PIWIL4: variants seen among roughly 807,000 people sequenced by gnomAD.
PIWIL4 encodes piwi-like protein 4.
PIWIL4 carries 50 observed loss-of-function variants against 100.9 expected under a neutral mutation model. That is an observed-to-expected ratio of 0.50 (90% CI 0.39 to 0.63). The LOEUF is 0.63. Ranked by LOEUF, PIWIL4 falls within the 20% of genes least tolerant of loss-of-function variation. The probability of loss-of-function intolerance (pLI) is 0.00; values close to 1 mark genes in which losing one functional copy is unlikely to be tolerated. For synonymous variants in PIWIL4, 342 were observed against 367.5 expected (o/e 0.93, Z 0.79); for missense variants, 887 against 1,043.3 (o/e 0.85, Z 2.06).
chr11:94,577,636 A>G, intron 4 of PIWIL4, 144 bp downstream of exon 4: 1 of 727,814 alleles, frequency 1.4e-6, no homozygotes, highest in East Asian at 2.8e-5. Context: ...TTAAAAAACT[A>G]CCTTTATTTC....
chr11:94,619,714 T>G (rs1247438085), intron 17 of PIWIL4, 46 bp from the exon 18 acceptor site: 20 of 1,570,132 alleles, frequency 1.3e-5, no homozygotes, highest in Non-Finnish European at 1.6e-5. Flanking sequence ...GAAAGCTATA[T>G]AGATTGGATT....
Position 94,583,499 on chromosome 11 carries a change from A to T in PIWIL4, c.565A>T (p.Ile189Phe). Reference protein sequence around the residue: ...TQRGETIKMTITLKRELPSSS... With the variant: ...TQRGETIKMTFTLKRELPSSS... ...AAGAGGTGAGACTATAAAGATGACT[A>T]TCACCCTGAAGAGGGAGCTGCCATC... The change falls in exon 5 of 20, where the codon ATC becomes TTC. Residue 189 changes from isoleucine to phenylalanine, a missense_variant. Physicochemically the swap from Ile to Phe is conservative, Grantham distance 21. This residue lies in a region of PIWIL4 where 741 missense variants were observed against 930.0 expected (regional missense o/e 0.80). Transcript: ENST00000299001. 1.2e-6 allele frequency: 2 copies of T among 1,613,850 alleles called. No homozygotes were observed. The highest frequency in any genetic ancestry group is 1.7e-6 in the Non-Finnish European group (2 of 1,179,742).
In PIWIL4 at chr11:94,577,415, A is replaced by G. The variant is rs1948252987; in HGVS notation, c.436A>G (p.Ser146Gly). 3 of 1,614,120 alleles carry G rather than the reference A, an allele frequency of 1.9e-6. No homozygotes were observed. The highest frequency in any genetic ancestry group is 1.7e-4 in the Middle Eastern group (1 of 6,060). The change falls in exon 4 of 20, where the codon AGT becomes GGT. Residue 146 changes from serine to glycine, a missense_variant. Physicochemically the swap from Ser to Gly is moderately conservative, Grantham distance 56. This residue lies in a region of PIWIL4 where 741 missense variants were observed against 930.0 expected (regional missense o/e 0.80). Coordinates refer to ENST00000299001, the MANE Select transcript of PIWIL4 (RefSeq NM_152431.3). ...SRRLRIALLYSHSELSNKAKA... is the reference protein window; with the variant it reads ...SRRLRIALLYGHSELSNKAKA... ...AAGGCTGAGAATTGCTTTACTTTAT[A>G]GTCATAGTGAACTTTCCAACAAAGC...
chr11:94,610,691 G>C (rs1282685403), intron 15 of PIWIL4, among the ~76,000 whole-genome samples: 1 of 151,904 alleles, frequency 6.6e-6, no homozygotes, highest in African/African-American at 2.4e-5. Flanking sequence ...TGAATTGTAT[G>C]GGTTCTTCAT....
chr11:94,574,446 C>A (rs1329485866), intron 2 of PIWIL4, among the ~76,000 whole-genome samples: 1 of 152,190 alleles, frequency 6.6e-6, no homozygotes, highest in African/African-American at 2.4e-5. Context: ...GGAGGGCTTT[C>A]TCCTTAGCCA....
At chr11:94,608,955 T>G (rs1591801804) in intron 15 of PIWIL4, among the ~76,000 whole-genome samples, 1 of 152,346 alleles carries the variant, frequency 6.6e-6, no homozygotes, top group East Asian at 1.9e-4. Flanking sequence ...TCTTGTGCAT[T>G]TATTTATTTT....
At chr11:94,615,302 T>A (rs1356062062) in intron 15 of PIWIL4, among the ~76,000 whole-genome samples, 1 of 152,194 alleles carries the variant, frequency 6.6e-6, no homozygotes, top group East Asian at 1.9e-4. Context: ...TTTCACCCTG[T>A]AAGAGAAATC....
intron 13 of PIWIL4, among the ~76,000 whole-genome samples, chr11:94,606,474 T>C (rs1000443791): frequency 1.3e-5 from 2 of 152,082 alleles, no homozygotes; most frequent in African/African-American, 4.8e-5. Flanking sequence ...CTTTTGAAAG[T>C]GGAGAATAAA....
At chr11:94,620,837 G>T (rs1235029473) in intron 19 of PIWIL4, 39 bp from the exon 20 acceptor site, 2 of 1,454,940 alleles carry the variant, frequency 1.4e-6, no homozygotes, top group African/African-American at 2.8e-5. Flanking sequence ...GAAGAACAAG[G>T]TAATCTCTTA....
intron 16 of PIWIL4, among the ~76,000 whole-genome samples, chr11:94,617,113 C>G (rs1948855747): frequency 6.6e-6 from 1 of 152,154 alleles, no homozygotes; most frequent in African/African-American, 2.4e-5. Flanking sequence ...CCTTCCCTCT[C>G]CTGATCTGCA....
intron 15 of PIWIL4, among the ~76,000 whole-genome samples, chr11:94,609,152 A>G (rs1461562381): frequency 6.6e-6 from 1 of 152,230 alleles, no homozygotes; most frequent in Non-Finnish European, 1.5e-5. Context: ...AGAAATAATA[A>G]TGATGACTAT....
intron 1 of PIWIL4, chr11:94,567,826 G>A: frequency 2.6e-6 from 3 of 1,158,512 alleles, no homozygotes; most frequent in Non-Finnish European, 2.1e-6. Context: ...CCAGTAAAGA[G>A]GACTGAAGAT....
chr11:94,597,769 C>T, intron 10 of PIWIL4, 35 bp from the exon 11 acceptor site: 1 of 1,438,048 alleles, frequency 7.0e-7, no homozygotes, highest in Admixed American at 1.7e-5. Flanking sequence ...ATAATTATAT[C>T]TCTCTTTAAT....
At position 94,598,206 on chromosome 11, in the gene PIWIL4, AG is replaced by A. The variant is rs571157942; in HGVS notation, c.1380+292del. ...TTGGGTGGTGCATTGCTCTTAAAAA[AG>A]AAAGCCATAGTCATCTGAGGAAATT... On this transcript the variant is annotated intron_variant, in intron 11 of 19. Coordinates refer to ENST00000299001, the MANE Select transcript of PIWIL4 (RefSeq NM_152431.3). Among the ~76,000 whole-genome samples the A allele has an allele frequency of 2.6e-4, 39 of 152,368 alleles. No homozygotes were observed. In the East Asian group the frequency reaches 6.6e-3, roughly 26 times the overall value.
intron 11 of PIWIL4, among the ~76,000 whole-genome samples, chr11:94,600,913 G>A (rs191616525): frequency 1.1e-3 from 172 of 151,972 alleles, no homozygotes; most frequent in East Asian, 6.6e-3. Flanking sequence ...CCGGCTCACC[G>A]GTGGTCAGAG....
chr11:94,619,377 A>G (rs1364998941), intron 17 of PIWIL4, among the ~76,000 whole-genome samples: 1 of 152,208 alleles, frequency 6.6e-6, no homozygotes, highest in Non-Finnish European at 1.5e-5. Flanking sequence ...CTACTTGGAA[A>G]TAAAATTGAG....
intron 11 of PIWIL4, 77 bp downstream of exon 11, chr11:94,597,992 C>G: frequency 9.3e-7 from 1 of 1,077,098 alleles, no homozygotes; most frequent in South Asian, 1.4e-5. Flanking sequence ...GCCAGAGTGG[C>G]TTGTGTGCTT....
chr11:94,615,764 A>G (rs533845849), intron 15 of PIWIL4, among the ~76,000 whole-genome samples: 1 of 152,294 alleles, frequency 6.6e-6, no homozygotes, highest in South Asian at 2.1e-4. Flanking sequence ...CAGCCTCCCA[A>G]GTAGCTGTGA....
chr11:94,590,428 C>T (rs531939287), intron 8 of PIWIL4, among the ~76,000 whole-genome samples: 9 of 152,282 alleles, frequency 5.9e-5, no homozygotes, highest in African/African-American at 2.2e-4. Context: ...TCCTTCCTTC[C>T]TCACAAAGGA....
Sources: gnomAD v4.1 joint callset for allele counts (sites outside exome capture counted in the v4.1 genomes callset) on GRCh38, gnomAD v4.1.1 for gene constraint, gnomAD v4.1.1 regional missense constraint, MANE v1.5 for transcripts, NCBI Gene and HGNC (gene_info 2026-07-23, HGNC 2026-07-21) for gene names.